CNTNAP5: variants seen among roughly 807,000 people sequenced by gnomAD.
CNTNAP5 encodes the protein contactin associated protein family member 5.
A neutral mutation model predicts 150.2 loss-of-function variants in CNTNAP5; 72 were observed. The observed-to-expected ratio is 0.48, with a 90% CI of 0.40 to 0.58. CNTNAP5 has a LOEUF of 0.58. CNTNAP5 is among the 20% of genes least tolerant of loss of function. The pLI is 0.00. For synonymous variants in CNTNAP5, 672 were observed against 619.8 expected (o/e 1.08, Z -1.25); for missense variants, 1,636 against 1,626.2 (o/e 1.01, Z -0.10).
chr2:124,893,400 A>G (rs555366678), intron 21 of CNTNAP5, among the ~76,000 whole-genome samples: 16 of 152,248 alleles, frequency 1.1e-4, no homozygotes, highest in Admixed American at 4.6e-4. Flanking sequence ...TGACCACACA[A>G]GCTGAAACTG....
intron 3 of CNTNAP5, among the ~76,000 whole-genome samples, chr2:124,379,566 C>A (rs373579718): frequency 9.4e-4 from 143 of 152,228 alleles, no homozygotes; most frequent in African/African-American, 3.2e-3. Flanking sequence ...TGAAGGACAT[C>A]TTGGTTGTTT....
Position 124,474,874 on chromosome 2 carries a change from TA to T in CNTNAP5, c.1055del (p.Tyr352LeufsTer41). 1.3e-6 allele frequency: 2 copies of T among 1,599,866 alleles called. No homozygotes were observed. The highest frequency in any genetic ancestry group is 1.7e-6 in the Non-Finnish European group (2 of 1,175,746). ...DLAKRRKHQI[Y>X]TVGNVTFSCS... ...GGCTAAGAGACGAAAGCATCAGATC[TA>T]TACTGTGGTAAGTCAGCCCATCTGT... On this transcript the variant is annotated frameshift_variant, in exon 7 of 24. Transcript: ENST00000682447. LOFTEE classifies it high-confidence loss of function.
In CNTNAP5 at chr2:124,724,870, C is replaced by A. The variant is rs544844355; in HGVS notation, c.2078-22359C>A. On this transcript the variant is annotated intron_variant, in intron 13 of 23. Transcript: ENST00000682447. ...CGAAGGCAACTCCTTTACTGTGGTA[C>A]ATTAATCCCTCAGCTTCAATCCCTC... Among the ~76,000 whole-genome samples the A allele has an allele frequency of 1.3e-3, 185 of 144,752 alleles. 1 individual carries two copies. Among genetic ancestry groups the A allele is most frequent in the African/African-American group, 4.2e-3 (169 of 40,018 alleles). 95.0% of individuals were successfully genotyped at this position (144,752 alleles called of 152,430 possible).
At chr2:124,271,505 A>G (rs1431041667) in intron 3 of CNTNAP5, among the ~76,000 whole-genome samples, 1 of 152,184 alleles carries the variant, frequency 6.6e-6, no homozygotes. Context: ...AAAATGCACT[A>G]TTAACTGCAT....
intron 1 of CNTNAP5, among the ~76,000 whole-genome samples, chr2:124,219,588 A>G (rs1268966228): frequency 6.6e-6 from 1 of 151,850 alleles, no homozygotes; most frequent in East Asian, 1.9e-4. Flanking sequence ...CTTAAGACCT[A>G]TATATGTGTT....
intron 10 of CNTNAP5, among the ~76,000 whole-genome samples, chr2:124,556,350 A>G (rs574816511): frequency 6.6e-6 from 1 of 152,136 alleles, no homozygotes; most frequent in South Asian, 2.1e-4. Flanking sequence ...AAGTTTTTTC[A>G]AGCTTCTTGG....
intron 1 of CNTNAP5, among the ~76,000 whole-genome samples, chr2:124,220,041 A>T (rs1458049216): frequency 2.0e-5 from 3 of 152,262 alleles, no homozygotes; most frequent in Non-Finnish European, 2.9e-5. Flanking sequence ...CACTTAATGA[A>T]CAATAATTTA....
Position 124,647,134 on chromosome 2 carries a change from C to T in CNTNAP5, c.1877-624C>T, listed in dbSNP as rs951229647. 2.8e-5 allele frequency among the ~76,000 whole-genome samples: 4 copies of T among 142,854 alleles called. No individual in the cohort carries two copies. The South Asian group carries it at 7.0e-4, about 25-fold the overall frequency. 93.7% of individuals were successfully genotyped at this position (142,854 alleles called of 152,430 possible). A position where few individuals can be genotyped will look rare whatever the true frequency, so the allele number is the denominator to read the frequency against. On this transcript the variant is annotated intron_variant, in intron 12 of 23. Transcript: ENST00000682447. Reference sequence around the variant, plus strand: ...GCCTATTAGGCAAAATATGTCCTTCCGTCATGATTTAAAGGTCCTCATCTT... The same window carrying T: ...GCCTATTAGGCAAAATATGTCCTTCTGTCATGATTTAAAGGTCCTCATCTT...
At chr2:124,344,166 A>G (rs529397833) in intron 3 of CNTNAP5, among the ~76,000 whole-genome samples, 1 of 152,290 alleles carries the variant, frequency 6.6e-6, no homozygotes, top group Admixed American at 6.5e-5. Context: ...TAAGAGAAAT[A>G]AACCATATGC....
At chr2:124,347,972 C>A (rs1435083783) in intron 3 of CNTNAP5, among the ~76,000 whole-genome samples, 1 of 151,974 alleles carries the variant, frequency 6.6e-6, no homozygotes, top group Non-Finnish European at 1.5e-5. Flanking sequence ...CTACTACAGG[C>A]ACCTGCCACC....
chr2:124,601,646 C>T (rs558125097), intron 11 of CNTNAP5, among the ~76,000 whole-genome samples: 100 of 152,160 alleles, frequency 6.6e-4, no homozygotes, highest in African/African-American at 2.2e-3. Flanking sequence ...AGTATTGCGT[C>T]AATGAGTCAA....
chr2:124,771,844 A>G, intron 16 of CNTNAP5, among the ~76,000 whole-genome samples: 1 of 151,446 alleles, frequency 6.6e-6, no homozygotes, highest in East Asian at 1.9e-4. Flanking sequence ...CACTATCAAC[A>G]CCACCACTGC....
intron 14 of CNTNAP5, among the ~76,000 whole-genome samples, chr2:124,751,943 T>G (rs1231239220): frequency 6.6e-6 from 1 of 152,206 alleles, no homozygotes; most frequent in Non-Finnish European, 1.5e-5. Context: ...AAAAAGAAAC[T>G]GAGTCTCAGA....
At chr2:124,368,492 A>G (rs1179962071) in intron 3 of CNTNAP5, among the ~76,000 whole-genome samples, 1 of 152,206 alleles carries the variant, frequency 6.6e-6, no homozygotes, top group Non-Finnish European at 1.5e-5. Context: ...CTATCTTAGA[A>G]ATATACTTCA....
At chr2:124,482,605 G>A (rs144516096) in intron 7 of CNTNAP5, among the ~76,000 whole-genome samples, 3 of 152,242 alleles carry the variant, frequency 2.0e-5, no homozygotes, top group African/African-American at 4.8e-5. Flanking sequence ...GCCCCTGTGT[G>A]CTTTGTTATT....
intron 10 of CNTNAP5, among the ~76,000 whole-genome samples, chr2:124,561,807 T>C (rs1339017905): frequency 6.6e-6 from 1 of 152,152 alleles, no homozygotes; most frequent in East Asian, 1.9e-4. Context: ...GCAGTCAGAG[T>C]AAATCATCTT....
intron 1 of CNTNAP5, among the ~76,000 whole-genome samples, chr2:124,085,916 A>G (rs921164479): frequency 2.0e-5 from 3 of 152,196 alleles, no homozygotes; most frequent in African/African-American, 7.2e-5. Flanking sequence ...GTGGCCCACA[A>G]TATGGTCTGT....
At chr2:124,636,986 T>C (rs1247857855) in intron 12 of CNTNAP5, among the ~76,000 whole-genome samples, 2 of 152,150 alleles carry the variant, frequency 1.3e-5, no homozygotes, top group Non-Finnish European at 2.9e-5. Flanking sequence ...GACACAGCGA[T>C]AATTTAAATC....
intron 3 of CNTNAP5, among the ~76,000 whole-genome samples, chr2:124,365,971 G>T (rs1690360431): frequency 6.6e-6 from 1 of 152,070 alleles, no homozygotes; most frequent in Admixed American, 6.6e-5. Context: ...CATTTTTAAG[G>T]TCATGTAACT....
Sources: allele counts gnomAD v4.1 joint callset (sites outside exome capture counted in the v4.1 genomes callset), GRCh38; gene constraint gnomAD v4.1.1; transcripts MANE v1.5; gene names NCBI Gene and HGNC (gene_info 2026-07-23, HGNC 2026-07-21).